Variants in SLC45A4 observed in about 807,000 individuals in gnomAD.
SLC45A4 encodes polyamine-transporter SLC45A4.
Under a neutral mutation model 63.7 loss-of-function variants are expected in SLC45A4, and 32 were observed. That is an observed-to-expected ratio of 0.50 (90% CI 0.38 to 0.67). SLC45A4 has a LOEUF of 0.67. Ranked by LOEUF, SLC45A4 falls within the 30% of genes least tolerant of loss-of-function variation. The pLI, the probability that SLC45A4 is intolerant of heterozygous loss-of-function variation, is 0.00. For synonymous variants in SLC45A4, 535 were observed against 510.0 expected (o/e 1.05, Z -0.66); for missense variants, 1,027 against 1,157.7 (o/e 0.89, Z 1.64).
In SLC45A4 at chr8:141,218,207, G is replaced by T. The variant is rs1273983349; in HGVS notation, c.1433C>A (p.Thr478Asn). The T allele has an allele frequency of 1.2e-6, 2 of 1,602,936 alleles. No individual in the cohort carries two copies. The highest frequency in any genetic ancestry group is 2.2e-5 in the East Asian group (1 of 44,876). The stretch of plus-strand genomic sequence containing the variant: ...CTCACTCTCGGTGTCCCCGCTGGAG[G>T]TGGTGGCCCCGCTCTGGTTCCGGTG... ...HRHRNQSGATTSSGDTESEEG... is the reference protein window; with the variant it reads ...HRHRNQSGATNSSGDTESEEG... The change falls in exon 5 of 9, where the codon ACC becomes AAC. Residue 478 changes from threonine (T) to asparagine (N), a missense_variant. Coordinates refer to ENST00000517878, the MANE Select transcript of SLC45A4 (RefSeq NM_001286646.2).
intron 2 of SLC45A4, 51 bp downstream of exon 2, chr8:141,253,938 C>T (rs1391545632): frequency 1.2e-5 from 18 of 1,527,814 alleles, no homozygotes; most frequent in East Asian, 4.9e-5. Context: ...ACGCCCAGTC[C>T]GCTAGCACTC....
chr8:141,287,760 G>A (rs1830203833), intron 1 of SLC45A4, among the ~76,000 whole-genome samples: 1 of 152,224 alleles, frequency 6.6e-6, no homozygotes, highest in African/African-American at 2.4e-5. Context: ...CAGCCGGGTG[G>A]AACAGCTAGA....
chr8:141,283,268 C>A (rs1408731033), intron 1 of SLC45A4, among the ~76,000 whole-genome samples: 1 of 152,224 alleles, frequency 6.6e-6, no homozygotes, highest in Non-Finnish European at 1.5e-5. Flanking sequence ...ACTGCAGCCT[C>A]TGCGAACATG....
At chr8:141,231,973 A>G (rs1040826712) in intron 2 of SLC45A4, among the ~76,000 whole-genome samples, 3 of 152,166 alleles carry the variant, frequency 2.0e-5, no homozygotes. Context: ...CCAAGGCTCC[A>G]GGTCACGTAG....
chr8:141,211,546 T>C lies in SLC45A4; in HGVS notation c.*26A>G. The C allele has an allele frequency of 6.2e-7, 1 of 1,613,282 alleles. No homozygotes were observed. The highest frequency in any genetic ancestry group is 1.1e-5 in the South Asian group (1 of 91,024). Reference sequence around the variant, plus strand: ...CCTGGGCACAATGTGTCCAACTCGCTGAGGAAAAGAAGATACGTCATTCTT... The same window carrying C: ...CCTGGGCACAATGTGTCCAACTCGCCGAGGAAAAGAAGATACGTCATTCTT... On this transcript the variant is annotated 3_prime_UTR_variant, in exon 9 of 9. Coordinates refer to ENST00000517878, the MANE Select transcript of SLC45A4 (RefSeq NM_001286646.2).
rs892005866 is a variant in SLC45A4, at chr8:141,270,340, G to A, written c.-400-15711C>T. Among the ~76,000 whole-genome samples the A allele has an allele frequency of 8.7e-5, 13 of 149,368 alleles. No individual in the cohort carries two copies. The South Asian group carries it at 1.7e-3, about 20-fold the overall frequency. On this transcript the variant is annotated intron_variant, in intron 1 of 8. Coordinates refer to ENST00000517878, the MANE Select transcript of SLC45A4 (RefSeq NM_001286646.2). ...CCAGGAGTTCAAGACCACCCTGGGC[G>A]ACACAGCGAGACCCCATCTCTACAT...
At chr8:141,295,283 C>A (rs1830503974) in intron 1 of SLC45A4, among the ~76,000 whole-genome samples, 1 of 152,138 alleles carries the variant, frequency 6.6e-6, no homozygotes, top group Non-Finnish European at 1.5e-5. Context: ...TAGAGATCTG[C>A]CCCAGGCCCC....
Position 141,221,621 on chromosome 8 carries a change from C to A in SLC45A4, c.386G>T (p.Gly129Val). 6.2e-7 allele frequency: 1 copy of A among 1,613,936 alleles called. No individual in the cohort carries two copies. The highest frequency in any genetic ancestry group is 8.5e-7 in the Non-Finnish European group (1 of 1,180,034). Residue 129 changes from glycine (G) to valine (V), a missense_variant, in exon 3 of 9, where the codon GGC (glycine) becomes GTC (valine). Coordinates refer to ENST00000517878, the MANE Select transcript of SLC45A4 (RefSeq NM_001286646.2). ...RRPFILALCV[G>V]VLFGVALFLN... ...GAAAAGTGCAACGCCAAAGAGGACG[C>A]CAACGCAGAGGGCGAGGATGAAGGG...
At chr8:141,307,806 G>C (rs1306578123) in intron 1 of SLC45A4, among the ~76,000 whole-genome samples, 1 of 145,374 alleles carries the variant, frequency 6.9e-6, no homozygotes, top group African/African-American at 2.6e-5. Context: ...CCCCGGGGTG[G>C]GGGCCGGGGT....
At chr8:141,265,819 G>C (rs1348892832) in intron 1 of SLC45A4, among the ~76,000 whole-genome samples, 1 of 152,190 alleles carries the variant, frequency 6.6e-6, no homozygotes, top group Non-Finnish European at 1.5e-5. Flanking sequence ...GCATGGAAAA[G>C]CAAGCTTCCC....
intron 1 of SLC45A4, among the ~76,000 whole-genome samples, chr8:141,263,226 AG>A (rs1416017449): frequency 1.8e-4 from 10 of 54,842 alleles, no homozygotes; most frequent in African/African-American, 7.6e-4. Flanking sequence ...GGGTGGGGGG[AG>A]GGGGGAGGGA....
intron 2 of SLC45A4, among the ~76,000 whole-genome samples, chr8:141,222,484 C>T (rs1455885654): frequency 7.0e-6 from 1 of 143,822 alleles, no homozygotes; most frequent in African/African-American, 2.6e-5. Flanking sequence ...GACAGAGAAA[C>T]TGAAGCTCAG....
At chr8:141,265,867 G>A (rs1829246278) in intron 1 of SLC45A4, among the ~76,000 whole-genome samples, 1 of 152,180 alleles carries the variant, frequency 6.6e-6, no homozygotes, top group South Asian at 2.1e-4. Context: ...GGCATTCGGT[G>A]ACAACAATTT....
chr8:141,289,412 A>T (rs4961355), intron 1 of SLC45A4, among the ~76,000 whole-genome samples: 40,259 of 152,168 alleles, frequency 0.26, 5,822 homozygotes, highest in Admixed American at 0.4. Context: ...GTGAAGTCTA[A>T]GAGTCACAAA....
At chr8:141,296,852 A>AC (rs1207726062) in intron 1 of SLC45A4, among the ~76,000 whole-genome samples, 1 of 151,292 alleles carries the variant, frequency 6.6e-6, no homozygotes, top group East Asian at 1.9e-4. Context: ...AAAAAAAAAA[A>AC]AAAAAGTGGA....
intron 1 of SLC45A4, among the ~76,000 whole-genome samples, chr8:141,275,916 CTT>C (rs112975787): frequency 9.0e-5 from 13 of 144,218 alleles, no homozygotes; most frequent in Admixed American, 1.4e-4. Flanking sequence ...CTAAACTTTA[CTT>C]TTTTTTTTTT....
At chr8:141,303,156 T>A (rs529239564) in intron 1 of SLC45A4, among the ~76,000 whole-genome samples, 2 of 151,916 alleles carry the variant, frequency 1.3e-5, no homozygotes, top group Non-Finnish European at 2.9e-5. Flanking sequence ...AGACACCGCA[T>A]CCGGCTAATT....
At chr8:141,275,600 C>A (rs1241983530) in intron 1 of SLC45A4, among the ~76,000 whole-genome samples, 1 of 151,220 alleles carries the variant, frequency 6.6e-6, no homozygotes. Context: ...TATAGTGAGA[C>A]CCCTGTCTCA....
rs1319902599 is a variant in SLC45A4 at position 141,248,564 on chromosome 8, T to TA, written c.241+5424dup. On this transcript the variant is annotated intron_variant, in intron 2 of 8. Coordinates refer to ENST00000517878, the MANE Select transcript of SLC45A4 (RefSeq NM_001286646.2). ...CAGCCTGGGAAACAGAGTCCCTGTT[T>TA]AAAAAAAAAAATAATAATAAATAAA... 4.5e-4 allele frequency among the ~76,000 whole-genome samples: 68 copies of TA among 149,928 alleles called. 2 individuals are homozygous for TA. Among genetic ancestry groups the TA allele is most frequent in the Middle Eastern group, 6.8e-3 (2 of 294 alleles).
Sources: allele counts gnomAD v4.1 joint callset (sites outside exome capture counted in the v4.1 genomes callset), GRCh38; gene constraint gnomAD v4.1.1; transcripts MANE v1.5; gene names NCBI Gene and HGNC (gene_info 2026-07-23, HGNC 2026-07-21).